Variants in PCDHB13 observed in about 807,000 individuals in gnomAD.
PCDHB13 encodes the protein protocadherin beta 13, also known as protocadherin beta-13.
For synonymous variants in PCDHB13, 515 were observed against 450.7 expected (o/e 1.14, Z -1.81); for missense variants, 1,065 against 1,016.7 (o/e 1.05, Z -0.65).
rs752878026 is a variant in PCDHB13 at position 141,215,740 on chromosome 5, G to C, written c.1617G>C (p.Pro539=). The C allele has an allele frequency of 6.8e-6, 11 of 1,612,046 alleles. No individual in the cohort carries two copies. The East Asian group carries it at 2.0e-4, about 29-fold the overall frequency. Residue 539 remains proline (P), a synonymous_variant, in exon 1 of 1, where the codon CCG becomes CCC. Coordinates refer to ENST00000341948, the MANE Select transcript of PCDHB13 (RefSeq NM_018933.4). The part of the protein sequence containing the change: ...FRVGASDHGS[P]ALSSEALVRV... Reference sequence around the variant, plus strand: ...TGGGCGCTTCAGACCACGGCTCCCCGGCGCTGAGCAGCGAGGCGCTGGTGC... The same window carrying C: ...TGGGCGCTTCAGACCACGGCTCCCCCGCGCTGAGCAGCGAGGCGCTGGTGC...
chr5:141,216,824 T>G lies in PCDHB13; in HGVS notation c.*304T>G. 2.4e-6 allele frequency: 1 copy of G among 408,550 alleles called. No homozygotes were observed. Among genetic ancestry groups the G allele is most frequent in the Non-Finnish European group, 4.6e-6 (1 of 215,116 alleles). 25.3% of individuals were successfully genotyped at this position (408,550 alleles called of 1,614,324 possible). A position where few individuals can be genotyped will look rare whatever the true frequency, so the allele number is the denominator to read the frequency against. On this transcript the variant is annotated 3_prime_UTR_variant, in exon 1 of 1. Transcript: ENST00000341948. ...TGAACTTCACCCACTATTATGCTTA[T>G]GGTAAAATTAAATAGAGCAATTTGG... is the stretch of plus-strand genomic sequence containing the variant.
At position 141,214,665 on chromosome 5, in the gene PCDHB13, T is replaced by G; in HGVS notation, c.542T>G (p.Val181Gly). The change falls in exon 1 of 1, where the codon GTC (valine) becomes GGC (glycine). Residue 181 changes from valine (V) to glycine (G), a missense_variant. Physicochemically the swap from Val to Gly is moderately radical, Grantham distance 109 (BLOSUM62 -3). Transcript: ENST00000341948. ...YIISPNSYFR[V>G]LTRKRSDGRK... The stretch of plus-strand genomic sequence containing the variant: ...ATCAGCCCCAACTCCTATTTTCGGG[T>G]CCTCACCCGCAAACGCAGTGATGGC... 1 of 1,614,074 alleles carries G rather than the reference T, an allele frequency of 6.2e-7. No individual in the cohort carries two copies. Among genetic ancestry groups the G allele is most frequent in the Non-Finnish European group, 8.5e-7 (1 of 1,180,030 alleles).
Position 141,215,520 on chromosome 5 carries a change from C to T in PCDHB13, c.1397C>T (p.Pro466Leu). Reference protein sequence around the residue: ...YTLFVRENNSPALHIRSVSAT... With the variant: ...YTLFVRENNSLALHIRSVSAT... Reference sequence around the variant, plus strand: ...CTGTTCGTCCGCGAGAACAACAGCCCCGCCCTGCACATCCGCAGCGTCAGC... The same window carrying T: ...CTGTTCGTCCGCGAGAACAACAGCCTCGCCCTGCACATCCGCAGCGTCAGC... The change falls in exon 1 of 1, where the codon CCC becomes CTC. Residue 466 changes from proline (P) to leucine (L), a missense_variant. Coordinates refer to ENST00000341948, the MANE Select transcript of PCDHB13 (RefSeq NM_018933.4). The T allele has an allele frequency of 6.2e-7, 1 of 1,614,048 alleles. No homozygotes were observed. Among genetic ancestry groups the T allele is most frequent in the Non-Finnish European group, 8.5e-7 (1 of 1,179,974 alleles).
rs540474833 is a variant in PCDHB13 at position 141,216,884 on chromosome 5, A to G, written c.*364A>G. ...CAATTTTCCAGCATTTCTTCATTTG[A>G]TTCTCTTTTTTTAGTCTTAAAATAA... On this transcript the variant is annotated 3_prime_UTR_variant, in exon 1 of 1. Coordinates refer to ENST00000341948, the MANE Select transcript of PCDHB13 (RefSeq NM_018933.4). 3.7e-5 allele frequency: 12 copies of G among 321,016 alleles called. No homozygotes were observed. Among genetic ancestry groups the G allele is most frequent in the African/African-American group, 1.8e-4 (8 of 44,292 alleles). 19.9% of individuals were successfully genotyped at this position (321,016 alleles called of 1,614,324 possible).
chr5:141,216,603 T>A lies in PCDHB13; in HGVS notation c.*83T>A. 1 of 1,143,954 alleles carries A rather than the reference T, an allele frequency of 8.7e-7. No homozygotes were observed. Among genetic ancestry groups the A allele is most frequent in the Non-Finnish European group, 1.3e-6 (1 of 750,588 alleles). 70.9% of individuals were successfully genotyped at this position (1,143,954 alleles called of 1,614,324 possible). ...GTTTATTTCCCCCAATTTGTGTGTA[T>A]GTAATATTGTACGGATTTACTCTTG... On this transcript the variant is annotated 3_prime_UTR_variant, in exon 1 of 1. Coordinates refer to ENST00000341948, the MANE Select transcript of PCDHB13 (RefSeq NM_018933.4).
Position 141,216,485 on chromosome 5 carries a change from A to G in PCDHB13, c.2362A>G (p.Thr788Ala). Residue 788 changes from threonine (T) to alanine (A), a missense_variant, in exon 1 of 1, where the codon ACC becomes GCC. Thr to Ala is a moderately conservative substitution (Grantham distance 58, BLOSUM62 0). Coordinates refer to ENST00000341948, the MANE Select transcript of PCDHB13 (RefSeq NM_018933.4). The stretch of plus-strand genomic sequence containing the variant: ...TGGGAAAGAAATACAAGGAAATTCT[A>G]CCTTCCCCAATAACTTTGGGTTCAA... ...CPGKEIQGNS[T>A]FPNNFGFNIQ The G allele has an allele frequency of 6.2e-7, 1 of 1,613,874 alleles. No homozygotes were observed.
At position 141,215,883 on chromosome 5, in the gene PCDHB13, C is replaced by T. The variant is rs200123507; in HGVS notation, c.1760C>T (p.Thr587Ile). The part of the protein sequence containing the change: ...PRAAEPGYLV[T>I]KVVAVDGDSG... Reference sequence around the variant, plus strand: ...GCGGCCGAGCCGGGCTACCTGGTGACCAAGGTGGTGGCGGTGGACGGCGAC... The same window carrying T: ...GCGGCCGAGCCGGGCTACCTGGTGATCAAGGTGGTGGCGGTGGACGGCGAC... The change falls in exon 1 of 1, where the codon ACC becomes ATC. Residue 587 changes from threonine (T) to isoleucine (I), a missense_variant. Coordinates refer to ENST00000341948, the MANE Select transcript of PCDHB13 (RefSeq NM_018933.4). 1 of 1,607,136 alleles carries T rather than the reference C, an allele frequency of 6.2e-7. No individual in the cohort carries two copies. The highest frequency in any genetic ancestry group is 1.1e-5 in the South Asian group (1 of 90,858).
chr5:141,215,734 C>T lies in PCDHB13; in HGVS notation c.1611C>T (p.Gly537=), dbSNP rs151130789. 1.8e-5 allele frequency: 29 copies of T among 1,612,188 alleles called. No homozygotes were observed. The highest frequency in any genetic ancestry group is 2.1e-4 in the Middle Eastern group (1 of 4,748). Reference sequence around the variant, plus strand: ...TCCGCGTGGGCGCTTCAGACCACGGCTCCCCGGCGCTGAGCAGCGAGGCGC... The same window carrying T: ...TCCGCGTGGGCGCTTCAGACCACGGTTCCCCGGCGCTGAGCAGCGAGGCGC... ...FQFRVGASDH[G]SPALSSEALV... is the part of the protein sequence containing the mutation. Residue 537 remains glycine, a synonymous_variant, in exon 1 of 1, where the codon GGC becomes GGT. Coordinates refer to ENST00000341948, the MANE Select transcript of PCDHB13 (RefSeq NM_018933.4).
rs1754566054 is a variant in PCDHB13, at chr5:141,215,324, T to C, written c.1201T>C (p.Tyr401His). 6.2e-7 allele frequency: 1 copy of C among 1,613,996 alleles called. No individual in the cohort carries two copies. The stretch of plus-strand genomic sequence containing the variant: ...CCTCCTGAAATCCGCGGAAAACTTT[T>C]ACACCCTACTAACGGAGAGACCACT... ...PFLLKSAENF[Y>H]TLLTERPLDR... is the part of the protein sequence containing the mutation. The change falls in exon 1 of 1, where the codon TAC becomes CAC. Residue 401 changes from tyrosine to histidine, a missense_variant. Tyr to His is a moderately conservative substitution (Grantham distance 83). Transcript: ENST00000341948.
Position 141,215,449 on chromosome 5 carries a change from C to G in PCDHB13, c.1326C>G (p.Ala442=), listed in dbSNP as rs1554287912. The G allele has an allele frequency of 3.1e-6, 5 of 1,614,168 alleles. No homozygotes were observed. The highest frequency in any genetic ancestry group is 4.5e-5 in the East Asian group (2 of 44,876). Residue 442 remains alanine, a synonymous_variant, in exon 1 of 1, where the codon GCC becomes GCG. Coordinates refer to ENST00000341948, the MANE Select transcript of PCDHB13 (RefSeq NM_018933.4). ...ITQLNMTVLI[A]DVNDNAPAFT... is the part of the protein sequence containing the mutation. ...AGCTCAATATGACCGTGCTGATCGC[C>G]GATGTCAATGACAACGCTCCCGCCT...
chr5:141,215,381 A>T lies in PCDHB13; in HGVS notation c.1258A>T (p.Thr420Ser), dbSNP rs1554287886. Reference protein sequence around the residue: ...DRESRAEYNITITVTDLGTPM... With the variant: ...DRESRAEYNISITVTDLGTPM... ...AGAAAGCAGAGCGGAATACAACATC[A>T]CTATCACTGTCACTGACTTGGGGAC... The change falls in exon 1 of 1, where the codon ACT (threonine) becomes TCT (serine). Residue 420 changes from threonine (T) to serine (S), a missense_variant. Transcript: ENST00000341948. The T allele has an allele frequency of 6.2e-7, 1 of 1,614,120 alleles. No individual in the cohort carries two copies. The highest frequency in any genetic ancestry group is 2.2e-5 in the East Asian group (1 of 44,870).
chr5:141,217,708 C>T lies in PCDHB13; in HGVS notation c.*1188C>T, dbSNP rs1240586633. 6.0e-6 allele frequency: 1 copy of T among 166,974 alleles called. No homozygotes were observed. Among genetic ancestry groups the T allele is most frequent in the Non-Finnish European group, 1.5e-5 (1 of 68,126 alleles). 10.3% of individuals were successfully genotyped at this position (166,974 alleles called of 1,614,324 possible). On this transcript the variant is annotated 3_prime_UTR_variant, in exon 1 of 1. Transcript: ENST00000341948. ...CTCTTACCTTTAAGGATCTGACACA[C>T]TATGTAAGAAAAAGACTTCAAGGTT...
rs782434933 is a variant in PCDHB13, at chr5:141,216,538, A to G, written c.*18A>G. ...TTCAGTGACCATAGTTGACTTTTAC[A>G]TTCCATAGGTATTTTATTTTGTGGC... is the stretch of plus-strand genomic sequence containing the variant. On this transcript the variant is annotated 3_prime_UTR_variant, in exon 1 of 1. Transcript: ENST00000341948. 1.3e-6 allele frequency: 2 copies of G among 1,568,396 alleles called. No individual in the cohort carries two copies. Among genetic ancestry groups the G allele is most frequent in the African/African-American group, 2.7e-5 (2 of 74,050 alleles).
In PCDHB13 at chr5:141,214,241, A is replaced by G; in HGVS notation, c.118A>G (p.Thr40Ala). 3.1e-6 allele frequency: 5 copies of G among 1,594,946 alleles called. No individual in the cohort carries two copies. The highest frequency in any genetic ancestry group is 4.3e-6 in the Non-Finnish European group (5 of 1,165,696). ...EPRSYSVVEE[T>A]EGSSFVTNLA... ...TAGAAGCTATTCTGTGGTGGAGGAA[A>G]CTGAGGGCAGCTCCTTTGTCACCAA... Residue 40 changes from threonine to alanine, a missense_variant, in exon 1 of 1, where the codon ACT becomes GCT. By Grantham distance (58) the Thr-to-Ala change is moderately conservative. Transcript: ENST00000341948.
rs1319693216 is a variant in PCDHB13 at position 141,216,474 on chromosome 5, A to G, written c.2351A>G (p.Gln784Arg). ...CCCCAGTGCCCTGGGAAAGAAATAC[A>G]AGGAAATTCTACCTTCCCCAATAAC... Reference protein sequence around the residue: ...FPPQCPGKEIQGNSTFPNNFG... With the variant: ...FPPQCPGKEIRGNSTFPNNFG... Residue 784 changes from glutamine (Q) to arginine (R), a missense_variant, in exon 1 of 1, where the codon CAA (glutamine) becomes CGA (arginine). Gln to Arg is a conservative substitution (Grantham distance 43). Transcript: ENST00000341948. 1 of 1,613,764 alleles carries G rather than the reference A, an allele frequency of 6.2e-7. No individual in the cohort carries two copies. Among genetic ancestry groups the G allele is most frequent in the Non-Finnish European group, 8.5e-7 (1 of 1,179,944 alleles).
rs1223148243 is a variant in PCDHB13 at position 141,217,673 on chromosome 5, T to C, written c.*1153T>C. 6.0e-6 allele frequency: 1 copy of C among 167,036 alleles called. No homozygotes were observed. Among genetic ancestry groups the C allele is most frequent in the Non-Finnish European group, 1.5e-5 (1 of 68,118 alleles). The allele number at this position is 167,036 out of a possible 1,614,324, so 10.3% of individuals were successfully genotyped here. On this transcript the variant is annotated 3_prime_UTR_variant, in exon 1 of 1. Transcript: ENST00000341948. ...ATTGTAGGGGAGTAGCTTTGTCTCA[T>C]GTTAAATCACTCTTACCTTTAAGGA...
At position 141,215,034 on chromosome 5, in the gene PCDHB13, TA is replaced by T. The variant is rs782213177; in HGVS notation, c.918del (p.Lys306AsnfsTer30). 2.5e-6 allele frequency: 4 copies of T among 1,613,690 alleles called. No homozygotes were observed. The highest frequency in any genetic ancestry group is 3.4e-6 in the Non-Finnish European group (4 of 1,179,842). On this transcript the variant is annotated frameshift_variant, in exon 1 of 1. Transcript: ENST00000341948. LOFTEE classifies it low-confidence loss of function (END_TRUNC). ...KINPLTGEIE[L>X]KKQLDFEKLQ... ...AATCCCTTGACAGGAGAAATTGAAC[TA>T]AAAAAACAACTCGATTTCGAAAAAC...
chr5:141,215,783 GC>G lies in PCDHB13; in HGVS notation c.1662del (p.Asn555ThrfsTer32). ...EALVRVVVLD[A>X]NDNSPFVLYP... is the part of the protein sequence containing the mutation. Reference sequence around the variant, plus strand: ...GCTGGTGCGCGTGGTGGTGCTGGACGCCAACGACAACTCGCCCTTCGTGCTG... The same window carrying G: ...GCTGGTGCGCGTGGTGGTGCTGGACGCAACGACAACTCGCCCTTCGTGCTG... On this transcript the variant is annotated frameshift_variant, in exon 1 of 1. Transcript: ENST00000341948. LOFTEE classifies it low-confidence loss of function (END_TRUNC). 1 of 1,611,700 alleles carries G rather than the reference GC, an allele frequency of 6.2e-7. No individual in the cohort carries two copies. The highest frequency in any genetic ancestry group is 8.5e-7 in the Non-Finnish European group (1 of 1,179,694).
Position 141,215,318 on chromosome 5 carries a change from A to G in PCDHB13, c.1195A>G (p.Asn399Asp). The change falls in exon 1 of 1, where the codon AAC (asparagine) becomes GAC (aspartate). Residue 399 changes from asparagine (N) to aspartate (D), a missense_variant. Coordinates refer to ENST00000341948, the MANE Select transcript of PCDHB13 (RefSeq NM_018933.4). ...DLPFLLKSAE[N>D]FYTLLTERPL... ...ACCCTTCCTCCTGAAATCCGCGGAAAACTTTTACACCCTACTAACGGAGAG... is the reference window on the plus strand; with the variant it reads ...ACCCTTCCTCCTGAAATCCGCGGAAGACTTTTACACCCTACTAACGGAGAG... 1 of 1,614,074 alleles carries G rather than the reference A, an allele frequency of 6.2e-7. No homozygotes were observed. Among genetic ancestry groups the G allele is most frequent in the South Asian group, 1.1e-5 (1 of 91,066 alleles).
Sources: gnomAD v4.1 joint callset for allele counts on GRCh38, gnomAD v4.1.1 for gene constraint, MANE v1.5 for transcripts, NCBI Gene and HGNC (gene_info 2026-07-23, HGNC 2026-07-21) for gene names.